PAX5: variants seen among roughly 807,000 people sequenced by gnomAD.
The protein encoded by PAX5 is paired box protein Pax-5.
A neutral mutation model predicts 43.7 loss-of-function variants in PAX5; 9 were observed. The ratio of observed to expected loss-of-function variants is 0.21; its 90% CI spans 0.12 to 0.36. The LOEUF is 0.36. Among genes scored for constraint, PAX5 ranks in the 10% least tolerant of loss-of-function variants. The pLI, the probability that PAX5 is intolerant of heterozygous loss-of-function variation, is 1.00. For synonymous variants in PAX5, 228 were observed against 214.3 expected (o/e 1.06, Z -0.56); for missense variants, 383 against 532.7 (o/e 0.72, Z 2.77).
At chr9:36,864,593 C>A (rs999310402) in intron 8 of PAX5, among the ~76,000 whole-genome samples, 1 of 152,226 alleles carries the variant, frequency 6.6e-6, no homozygotes, top group Non-Finnish European at 1.5e-5. Context: ...CCTCACCTGC[C>A]CCCATCGGCC....
intron 7 of PAX5, among the ~76,000 whole-genome samples, chr9:36,906,010 G>A (rs1828790671): frequency 6.6e-6 from 1 of 152,170 alleles, no homozygotes; most frequent in Non-Finnish European, 1.5e-5. Flanking sequence ...AGAGAGAGTG[G>A]AGAAAGAACA....
chr9:37,021,292 A>C (rs986814683), intron 1 of PAX5, among the ~76,000 whole-genome samples: 1 of 152,254 alleles, frequency 6.6e-6, no homozygotes, highest in South Asian at 2.1e-4. Context: ...GTTTTTAATC[A>C]GCAATCTAAT....
intron 6 of PAX5, among the ~76,000 whole-genome samples, chr9:36,944,541 C>A (rs1435059223): frequency 6.6e-6 from 1 of 152,176 alleles, no homozygotes; most frequent in Non-Finnish European, 1.5e-5. Context: ...CTCCCCACTG[C>A]CAGCTGGAGA....
intron 5 of PAX5, among the ~76,000 whole-genome samples, chr9:36,980,892 C>T (rs544375642): frequency 4.1e-4 from 63 of 152,230 alleles, no homozygotes; most frequent in African/African-American, 1.5e-3. Flanking sequence ...AACCCACAGC[C>T]CCTCACAGCT....
At chr9:37,004,506 A>G (rs927232539) in intron 4 of PAX5, among the ~76,000 whole-genome samples, 26 of 152,210 alleles carry the variant, frequency 1.7e-4, no homozygotes, top group African/African-American at 6.0e-4. Flanking sequence ...TTCCCTTTGG[A>G]GCAGATCCAG....
At chr9:37,024,871 C>G (rs1840175214) in intron 1 of PAX5, among the ~76,000 whole-genome samples, 1 of 152,220 alleles carries the variant, frequency 6.6e-6, no homozygotes. Flanking sequence ...CGGAAGGACA[C>G]AGTGAGGGCC....
chr9:37,026,851 G>T (rs1404905578), intron 1 of PAX5: 4 of 392,392 alleles, frequency 1.0e-5, no homozygotes, highest in Non-Finnish European at 1.4e-5. Context: ...CAGCAGCTCC[G>T]GGCCCAGCCC....
chr9:36,841,811 A>T (rs922911176), intron 9 of PAX5, among the ~76,000 whole-genome samples: 1 of 152,226 alleles, frequency 6.6e-6, no homozygotes, highest in Non-Finnish European at 1.5e-5. Context: ...GGCAAACGCC[A>T]GCCTGACACA....
At chr9:36,846,495 G>A (rs138744746) in intron 9 of PAX5, among the ~76,000 whole-genome samples, 418 of 152,300 alleles carry the variant, frequency 2.7e-3, no homozygotes, top group African/African-American at 9.1e-3. Flanking sequence ...GAGAGTTCTC[G>A]CCTGAATATG....
intron 8 of PAX5, among the ~76,000 whole-genome samples, chr9:36,876,494 T>C (rs1472755774): frequency 1.3e-5 from 2 of 152,234 alleles, no homozygotes; most frequent in Admixed American, 6.5e-5. Context: ...CTCCCCTTCC[T>C]TTTTCCTCTA....
chr9:37,012,689 A>T (rs574870737), intron 3 of PAX5, among the ~76,000 whole-genome samples: 1 of 152,260 alleles, frequency 6.6e-6, no homozygotes, highest in East Asian at 1.9e-4. Context: ...CATCACTTCA[A>T]TTTTGACTTA....
At chr9:36,847,373 A>T (rs976826723) in intron 8 of PAX5, among the ~76,000 whole-genome samples, 2 of 151,910 alleles carry the variant, frequency 1.3e-5, no homozygotes, top group Admixed American at 1.3e-4. Flanking sequence ...GCTCAGTTCT[A>T]CCCCCCACCT....
At chr9:36,949,086 G>C (rs1255420216) in intron 6 of PAX5, among the ~76,000 whole-genome samples, 2 of 152,162 alleles carry the variant, frequency 1.3e-5, no homozygotes, top group Non-Finnish European at 1.5e-5. Flanking sequence ...TTTTGAGACA[G>C]AGTCTCGCTC....
At chr9:36,844,067 C>G (rs987418459) in intron 9 of PAX5, among the ~76,000 whole-genome samples, 1 of 152,192 alleles carries the variant, frequency 6.6e-6, no homozygotes, top group South Asian at 2.1e-4. Context: ...CTGCTTAAGC[C>G]AGTCAGAGTG....
rs1821921236 is a variant in PAX5 at position 36,840,105 on chromosome 9, G to C, written c.*455C>G. The C allele has an allele frequency of 2.9e-6, 1 of 341,710 alleles. No individual in the cohort carries two copies. The highest frequency in any genetic ancestry group is 4.2e-5 in the South Asian group (1 of 24,036). The allele number at this position is 341,710 out of a possible 1,614,324, so 21.2% of individuals were successfully genotyped here. A position where few individuals can be genotyped will look rare whatever the true frequency, so the allele number is the denominator to read the frequency against. On this transcript the variant is annotated 3_prime_UTR_variant, in exon 10 of 10. Transcript: ENST00000358127. ...GTCCGGTGATGCACCAAGAGTGCGA[G>C]ATGCATCATGGGTGGAGCAGTCTTC...
intron 6 of PAX5, among the ~76,000 whole-genome samples, chr9:36,936,203 G>T (rs144906612): frequency 1.3e-5 from 2 of 152,340 alleles, no homozygotes; most frequent in African/African-American, 4.8e-5. Flanking sequence ...AATGAGAACT[G>T]GGACCCAGTG....
chr9:36,882,231 T>G lies in PAX5; in HGVS notation c.911-126A>C. The G allele has an allele frequency of 1.5e-6, 1 of 652,616 alleles. No individual in the cohort carries two copies. Among genetic ancestry groups the G allele is most frequent in the Non-Finnish European group, 2.6e-6 (1 of 387,596 alleles). The allele number at this position is 652,616 out of a possible 1,614,324, so 40.4% of individuals were successfully genotyped here. A position where few individuals can be genotyped will look rare whatever the true frequency, so the allele number is the denominator to read the frequency against. On this transcript the variant is annotated intron_variant, in intron 7 of 9. Coordinates refer to ENST00000358127, the MANE Select transcript of PAX5 (RefSeq NM_016734.3). This position sits in a 1 kb window ranked among gnomAD's most constrained non-coding sequence, Gnocchi z 4.4. ...CGCTGAACGGCAATGTGCCCCCAGC[T>G]CCCCCCTGTCGCTCACACGCTCTCA...
chr9:36,870,011 G>GATGGATAA (rs1825322689), intron 8 of PAX5, among the ~76,000 whole-genome samples: 4 of 38,254 alleles, frequency 1.0e-4, no homozygotes, highest in African/African-American at 1.8e-4. Context: ...TGGATAAATG[G>GATGGATAA]ATGGATGGAT....
At chr9:36,850,984 TG>T (rs1823105397) in intron 8 of PAX5, among the ~76,000 whole-genome samples, 2 of 152,136 alleles carry the variant, frequency 1.3e-5, no homozygotes, top group Non-Finnish European at 2.9e-5. Flanking sequence ...AGAAGGCAGG[TG>T]GGCATGTGGT....
Sources: gnomAD v4.1 joint callset for allele counts (sites outside exome capture counted in the v4.1 genomes callset) on GRCh38, gnomAD v4.1.1 for gene constraint, Gnocchi (gnomAD v3.1) non-coding constraint, MANE v1.5 for transcripts, NCBI Gene and HGNC (gene_info 2026-07-23, HGNC 2026-07-21) for gene names.